GRM1: variants seen among roughly 807,000 people sequenced by gnomAD.
GRM1 encodes the protein metabotropic glutamate receptor 1.
Under a neutral mutation model 90.9 loss-of-function variants are expected in GRM1, and 33 were observed. The ratio of observed to expected loss-of-function variants is 0.36; its 90% CI spans 0.28 to 0.49. The LOEUF (loss-of-function observed/expected upper bound fraction) is 0.49. Among genes scored for constraint, GRM1 ranks in the 20% least tolerant of loss-of-function variants. GRM1 has a pLI of 0.99. For missense variants in GRM1, 1,190 were observed against 1,534.3 expected (o/e 0.78, Z 3.75); for synonymous variants, 700 against 613.2 (o/e 1.14, Z -2.09).
intron 2 of GRM1, among the ~76,000 whole-genome samples, chr6:146,214,078 T>A (rs1213149020): frequency 6.6e-6 from 1 of 152,098 alleles, no homozygotes; most frequent in African/African-American, 2.4e-5. Context: ...CTATCCTGGG[T>A]CTCAGCTAAT....
At chr6:146,185,640 G>GA (rs1778706171) in intron 2 of GRM1, among the ~76,000 whole-genome samples, 1 of 152,196 alleles carries the variant, frequency 6.6e-6, no homozygotes, top group African/African-American at 2.4e-5. Flanking sequence ...TTTCAGTCCA[G>GA]ATTGGTGATT....
At chr6:146,374,995 G>A (rs1423187596) in intron 5 of GRM1, among the ~76,000 whole-genome samples, 3 of 151,692 alleles carry the variant, frequency 2.0e-5, no homozygotes, top group Non-Finnish European at 2.9e-5. Context: ...TTTTGATGTA[G>A]GCACTTACAG....
intron 3 of GRM1, among the ~76,000 whole-genome samples, chr6:146,321,719 G>T (rs949352037): frequency 2.0e-5 from 3 of 151,988 alleles, no homozygotes; most frequent in Non-Finnish European, 4.4e-5. Context: ...ATTAAGTAAT[G>T]CCCTTCTTTG....
intron 2 of GRM1, among the ~76,000 whole-genome samples, chr6:146,234,640 T>G (rs1158988246): frequency 1.3e-5 from 2 of 152,184 alleles, no homozygotes; most frequent in Admixed American, 6.5e-5. Context: ...TCTCATAAAT[T>G]TCTTCTGACA....
At chr6:146,381,172 G>C (rs564947143) in intron 5 of GRM1, among the ~76,000 whole-genome samples, 1 of 152,226 alleles carries the variant, frequency 6.6e-6, no homozygotes, top group African/African-American at 2.4e-5. Flanking sequence ...CACTGTCTCT[G>C]GGCCTAGTTC....
At chr6:146,085,874 C>T (rs1364114787) in intron 1 of GRM1, among the ~76,000 whole-genome samples, 1 of 151,986 alleles carries the variant, frequency 6.6e-6, no homozygotes, top group Non-Finnish European at 1.5e-5. Flanking sequence ...GGATAACTTC[C>T]TTTTAAAGTT....
chr6:146,136,943 C>T (rs1434148314), intron 1 of GRM1, among the ~76,000 whole-genome samples: 1 of 145,614 alleles, frequency 6.9e-6, no homozygotes, highest in Non-Finnish European at 1.5e-5. Context: ...ATTATTGCCT[C>T]CTGGGTTCAA....
chr6:146,419,277 A>T (rs776106277), intron 7 of GRM1, among the ~76,000 whole-genome samples: 1 of 152,180 alleles, frequency 6.6e-6, no homozygotes, highest in Admixed American at 6.5e-5. Context: ...TTCTGATGAG[A>T]CTTTTGTTTT....
intron 3 of GRM1, among the ~76,000 whole-genome samples, chr6:146,339,769 T>C (rs1028196255): frequency 6.6e-6 from 1 of 152,214 alleles, no homozygotes; most frequent in African/African-American, 2.4e-5. Flanking sequence ...GTGGCAGGAA[T>C]AGGGGAAGTG....
intron 5 of GRM1, among the ~76,000 whole-genome samples, chr6:146,357,956 G>A (rs561608278): frequency 4.6e-5 from 7 of 152,220 alleles, no homozygotes; most frequent in Admixed American, 1.3e-4. Flanking sequence ...GGCAGGAAAC[G>A]GATGAGTAAT....
chr6:146,306,739 G>A lies in GRM1; in HGVS notation c.1186+1893G>A, dbSNP rs577176460. ...TGAAGGTGGTGAATTGGGCCCGGTA[G>A]TGGGAAGCAAAGTGGAGAGAAGTGG... is the stretch of plus-strand genomic sequence containing the variant. On this transcript the variant is annotated intron_variant, in intron 3 of 7. Transcript: ENST00000282753. 2.6e-5 allele frequency among the ~76,000 whole-genome samples: 4 copies of A among 152,302 alleles called. No individual in the cohort carries two copies. In the East Asian group the frequency reaches 7.7e-4, roughly 29 times the overall value.
intron 2 of GRM1, among the ~76,000 whole-genome samples, chr6:146,213,310 G>A (rs1562532625): frequency 6.6e-6 from 1 of 152,048 alleles, no homozygotes; most frequent in South Asian, 2.1e-4. Context: ...TGGGTGGGGG[G>A]CGGTAAGTAA....
intron 5 of GRM1, among the ~76,000 whole-genome samples, chr6:146,363,353 C>A (rs1775562088): frequency 6.6e-6 from 1 of 152,122 alleles, no homozygotes; most frequent in African/African-American, 2.4e-5. Context: ...TTCCTCTGTA[C>A]ATTTTCCTGC....
At chr6:146,037,322 C>T (rs1357817411) in intron 1 of GRM1, among the ~76,000 whole-genome samples, 2 of 151,906 alleles carry the variant, frequency 1.3e-5, no homozygotes, top group Non-Finnish European at 2.9e-5. Context: ...AAAGGTGTAG[C>T]ATCTACTATA....
At chr6:146,063,333 G>T (rs546772623) in intron 1 of GRM1, among the ~76,000 whole-genome samples, 1 of 152,260 alleles carries the variant, frequency 6.6e-6, no homozygotes, top group East Asian at 1.9e-4. Context: ...TTTTAATCGA[G>T]TCTCATCAAT....
chr6:146,297,448 C>T (rs1490255051), intron 2 of GRM1, among the ~76,000 whole-genome samples: 1 of 152,126 alleles, frequency 6.6e-6, no homozygotes, highest in Non-Finnish European at 1.5e-5. Context: ...GCATGAGCCA[C>T]CACGCCCAGC....
At chr6:146,367,429 T>C (rs936090406) in intron 5 of GRM1, among the ~76,000 whole-genome samples, 10 of 152,162 alleles carry the variant, frequency 6.6e-5, no homozygotes, top group Non-Finnish European at 1.5e-4. Context: ...TTTCTATTTT[T>C]ATTTTTTACT....
chr6:146,418,937 A>T (rs1039115139), intron 7 of GRM1, among the ~76,000 whole-genome samples: 3 of 152,156 alleles, frequency 2.0e-5, no homozygotes, highest in Non-Finnish European at 4.4e-5. Flanking sequence ...GGGCATATGA[A>T]AGCAGAATAA....
At chr6:146,432,595 C>T (rs1778455539) in intron 7 of GRM1, among the ~76,000 whole-genome samples, 3 of 152,014 alleles carry the variant, frequency 2.0e-5, no homozygotes, top group Admixed American at 6.6e-5. Context: ...TTTTATATTC[C>T]TTTTAATGTC....
Sources: gnomAD v4.1 joint callset for allele counts (sites outside exome capture counted in the v4.1 genomes callset) on GRCh38, gnomAD v4.1.1 for gene constraint, MANE v1.5 for transcripts, NCBI Gene and HGNC (gene_info 2026-07-23, HGNC 2026-07-21) for gene names.